The following C3 variants were observed in gnomAD, a reference collection of about 807,000 sequenced individuals.
C3 encodes complement C3, also known as C3 and PZP-like alpha-2-macroglobulin domain-containing protein 1.
In C3, 97 loss-of-function variants were observed where a neutral mutation model predicts 207.9. The ratio of observed to expected loss-of-function variants is 0.47; its 90% CI spans 0.40 to 0.55. The LOEUF (loss-of-function observed/expected upper bound fraction) is 0.55, where lower values mean the gene tolerates loss of function less well. Among genes scored for constraint, C3 ranks in the 20% least tolerant of loss-of-function variants. The pLI is 0.00. For synonymous variants in C3, 848 were observed against 857.6 expected, an observed-to-expected ratio of 0.99 and a Z score of 0.20; for missense variants, 1,684 against 2,171.7, an observed-to-expected ratio of 0.78 and a Z score of 4.46.
intron 31 of C3, 33 bp downstream of exon 31, chr19:6,684,742 T>C: frequency 6.2e-7 from 1 of 1,612,306 alleles, no homozygotes. Flanking sequence ...CAGAGGGGCA[T>C]GGGCCAGGCA....
At position 6,677,985 on chromosome 19, in the gene C3, T is replaced by C; in HGVS notation, c.4889A>G (p.His1630Arg). Residue 1630 changes from histidine (H) to arginine (R), a missense_variant, in exon 41 of 41, where the codon CAC becomes CGC. By Grantham distance (29) the His-to-Arg change is conservative (BLOSUM62 0). This residue lies in a region of C3 where 346 missense variants were observed against 380.1 expected (regional missense o/e 0.91). Transcript: ENST00000245907. ...TTGGCATTCGTCCTCCTCGGGCCAG[T>C]GCTCCACCCAAGTGTCCTTCCCGAT... ...YIIGKDTWVE[H>R]WPEEDECQDE... 1.2e-6 allele frequency: 2 copies of C among 1,614,178 alleles called. No homozygotes were observed. Among genetic ancestry groups the C allele is most frequent in the Non-Finnish European group, 1.7e-6 (2 of 1,180,036 alleles).
chr19:6,686,226 G>T lies in C3; in HGVS notation c.3708C>A (p.Ala1236=). Reference sequence around the variant, plus strand: ...CTTTTAGCTGCAGTAGGGCCAAGAGGGCATAGGATGTGGCCTCCACGTTGT... The same window carrying T: ...CTTTTAGCTGCAGTAGGGCCAAGAGTGCATAGGATGTGGCCTCCACGTTGT... ...QLYNVEATSY[A]LLALLQLKDF... Residue 1236 remains alanine, a synonymous_variant, in exon 29 of 41, where the codon GCC becomes GCA. Transcript: ENST00000245907. 1 of 1,614,170 alleles carries T rather than the reference G, an allele frequency of 6.2e-7. No homozygotes were observed. Among genetic ancestry groups the T allele is most frequent in the Non-Finnish European group, 8.5e-7 (1 of 1,180,034 alleles).
intron 24 of C3, 37 bp from the exon 25 acceptor site, chr19:6,693,524 G>A (rs761769957): frequency 6.3e-7 from 1 of 1,588,622 alleles, no homozygotes. Flanking sequence ...AAAGAGCCGG[G>A]GCTGAGCAGA....
intron 25 of C3, 83 bp downstream of exon 25, chr19:6,693,329 G>A (rs1445639499): frequency 7.1e-7 from 1 of 1,399,678 alleles, no homozygotes; most frequent in African/African-American, 1.4e-5. Flanking sequence ...TGGCCTAAGG[G>A]ACCACCCCTG....
At chr19:6,702,693 T>A (rs567810610) in intron 17 of C3, 114 bp from the exon 18 acceptor site, 2 of 769,940 alleles carry the variant, frequency 2.6e-6, no homozygotes, top group African/African-American at 3.4e-5. Context: ...AGGCCAGGAG[T>A]TGGAGACCAG....
intron 9 of C3, 100 bp downstream of exon 9, chr19:6,713,089 A>C: frequency 6.9e-7 from 1 of 1,440,724 alleles, no homozygotes; most frequent in Non-Finnish European, 9.8e-7. Context: ...TTTCACTCTG[A>C]GCCTCCCTCC....
chr19:6,714,214 T>A lies in C3; in HGVS notation c.634A>T (p.Asn212Tyr), dbSNP rs367806364. The A allele has an allele frequency of 3.1e-6, 5 of 1,613,658 alleles. No homozygotes were observed. The highest frequency in any genetic ancestry group is 4.2e-6 in the Non-Finnish European group (5 of 1,179,944). The change falls in exon 6 of 41, where the codon AAC becomes TAC. Residue 212 changes from asparagine (N) to tyrosine (Y), a missense_variant. Physicochemically the swap from Asn to Tyr is moderately radical, Grantham distance 143. Coordinates refer to ENST00000245907, the MANE Select transcript of C3 (RefSeq NM_000064.4). ...GTGGAGAAGACCTGCTGTGGTGAGT[T>A]TTCATAGTAGGCTCGGATCTTCCAC... ...GQWKIRAYYE[N>Y]SPQQVFSTEF...
chr19:6,700,976 C>T (rs2145416481), intron 19 of C3, among the ~76,000 whole-genome samples: 1 of 151,772 alleles, frequency 6.6e-6, no homozygotes, highest in South Asian at 2.1e-4. Context: ...GTACCCCCAC[C>T]CTGTCTAGCT....
At chr19:6,720,406 A>G (rs1968136877) in intron 1 of C3, 110 bp downstream of exon 1, 2 of 789,598 alleles carry the variant, frequency 2.5e-6, no homozygotes, top group Non-Finnish European at 4.4e-6. Context: ...CTAACCCCTG[A>G]ATCCACAAAC....
At chr19:6,687,926 G>T (rs1186740400) in intron 27 of C3, among the ~76,000 whole-genome samples, 7 of 150,146 alleles carry the variant, frequency 4.7e-5, no homozygotes, top group African/African-American at 1.7e-4. Flanking sequence ...GCGCGATCTC[G>T]GCTCACTGCA....
chr19:6,684,026 G>T (rs913691863), intron 33 of C3, among the ~76,000 whole-genome samples: 3 of 152,228 alleles, frequency 2.0e-5, no homozygotes, highest in Non-Finnish European at 4.4e-5. Context: ...TTGAGCCAGG[G>T]AGTTTGAGGT....
At chr19:6,712,064 C>T (rs1967932790) in intron 11 of C3, among the ~76,000 whole-genome samples, 193 bp downstream of exon 11, 1 of 152,226 alleles carries the variant, frequency 6.6e-6, no homozygotes, top group African/African-American at 2.4e-5. Flanking sequence ...CAGGACCCCA[C>T]TGTGCAGGAC....
chr19:6,710,634 C>T lies in C3; in HGVS notation c.1686+5G>A. ...AGGGGGCGAGCGAGCCCAGGGCACA[C>T]TTACCGAGCCCACGCAGGAGTCCTT... is the stretch of plus-strand genomic sequence containing the variant. On this transcript the variant is annotated splice_donor_5th_base_variant and intron_variant, in intron 13 of 40. Transcript: ENST00000245907. 6.2e-7 allele frequency: 1 copy of T among 1,611,698 alleles called. No homozygotes were observed. The highest frequency in any genetic ancestry group is 8.5e-7 in the Non-Finnish European group (1 of 1,178,886).
chr19:6,718,552 G>C, intron 2 of C3, 140 bp from the exon 3 acceptor site: 1 of 918,248 alleles, frequency 1.1e-6, no homozygotes, highest in African/African-American at 1.6e-5. Context: ...GGAGGGAGGG[G>C]CATGTGAAGG....
chr19:6,706,987 CACCAGACAGGGCAT>C, intron 17 of C3, 75 bp downstream of exon 17: 23 of 879,740 alleles, frequency 2.6e-5, no homozygotes, highest in South Asian at 8.2e-5. Context: ...GCCCCACCCC[CACCAGACAGGGCAT>C]CCTCCCTCCT....
chr19:6,704,462 A>T (rs541742171), intron 17 of C3, among the ~76,000 whole-genome samples: 36 of 152,230 alleles, frequency 2.4e-4, no homozygotes, highest in Non-Finnish European at 1.9e-4. Flanking sequence ...AAATATATAT[A>T]TTTTAATATT....
Position 6,700,694 on chromosome 19 carries a change from A to ATATATGTAATATATAATATATGATATG in C3, c.2440+1432_2440+1433insCATATCATATATTATATATTACATATA, listed in dbSNP as rs1967654515. Among the ~76,000 whole-genome samples, 4 of 16,298 alleles carry ATATATGTAATATATAATATATGATATG rather than the reference A, an allele frequency of 2.5e-4. 2 individuals are homozygous for ATATATGTAATATATAATATATGATATG. In the East Asian group the frequency reaches 0.024, roughly 98 times the overall value. 10.7% of individuals were successfully genotyped at this position (16,298 alleles called of 152,430 possible). ...ATATGTAATATATAATATATGATAT[A>ATATATGTAATATATAATATATGATATG]TTATATATGTAATATGTGGTATGTT... On this transcript the variant is annotated intron_variant, in intron 19 of 40. Transcript: ENST00000245907.
chr19:6,678,345 CA>C, intron 39 of C3, 26 bp downstream of exon 39: 1 of 1,614,116 alleles, frequency 6.2e-7, no homozygotes, highest in Non-Finnish European at 8.5e-7. Flanking sequence ...AGGGAAGAGC[CA>C]CGGGAGGCAG....
rs1163657647 is a variant in C3, at chr19:6,709,759, C to T, written c.1770G>A (p.Gly590=). The change falls in exon 14 of 41, where the codon GGG becomes GGA. Residue 590 remains glycine, a synonymous_variant. Coordinates refer to ENST00000245907, the MANE Select transcript of C3 (RefSeq NM_000064.4). The part of the protein sequence containing the change: ...QMTLKIEGDH[G]ARVVLVAVDK... ...CCACGGCCACCAGTACCACCCGGGC[C>T]CCGTGGTCACCCTCTATCTTCAGGG... 1.9e-6 allele frequency: 3 copies of T among 1,614,004 alleles called. No individual in the cohort carries two copies. The highest frequency in any genetic ancestry group is 2.5e-6 in the Non-Finnish European group (3 of 1,180,022).
Sources: allele counts gnomAD v4.1 joint callset (sites outside exome capture counted in the v4.1 genomes callset), GRCh38; gene constraint gnomAD v4.1.1; regional missense constraint gnomAD v4.1.1; transcripts MANE v1.5; gene names NCBI Gene and HGNC (gene_info 2026-07-23, HGNC 2026-07-21).